The following HEPACAM variants were observed in gnomAD, a reference collection of about 807,000 sequenced individuals.
HEPACAM encodes hepatocyte cell adhesion molecule.
A neutral mutation model predicts 38.3 loss-of-function variants in HEPACAM; 18 were observed. The ratio of observed to expected loss-of-function variants is 0.47; its 90% CI spans 0.33 to 0.70. HEPACAM has a LOEUF of 0.70. Ranked by LOEUF, HEPACAM falls within the 30% of genes least tolerant of loss-of-function variation. The pLI is 0.03. For synonymous variants in HEPACAM, 216 were observed against 243.1 expected (o/e 0.89, Z 1.04); for missense variants, 466 against 563.0 (o/e 0.83, Z 1.74).
chr11:124,928,371 C>G (rs1170331938), intron 1 of HEPACAM, among the ~76,000 whole-genome samples: 1 of 152,164 alleles, frequency 6.6e-6, no homozygotes, highest in Admixed American at 6.5e-5. Context: ...AGAGGTGGCC[C>G]TGAAAAAGTC....
At chr11:124,935,732 C>T (rs1412454872) in intron 1 of HEPACAM, among the ~76,000 whole-genome samples, 190 bp downstream of exon 1, 2 of 152,122 alleles carry the variant, frequency 1.3e-5, no homozygotes, top group Non-Finnish European at 2.9e-5. Flanking sequence ...GTAGGGGCCG[C>T]GCGGGAGGCA....
Position 124,922,633 on chromosome 11 carries a change from G to T in HEPACAM, c.877+112C>A, listed in dbSNP as rs2135397746. The T allele has an allele frequency of 1.9e-6, 3 of 1,612,902 alleles. No homozygotes were observed. The East Asian group carries it at 6.7e-5, about 36-fold the overall frequency. On this transcript the variant is annotated intron_variant, in intron 5 of 6. Transcript: ENST00000298251. The stretch of plus-strand genomic sequence containing the variant: ...CCTCTGCAGTCTTCGTGCAGTTGGT[G>T]GGGGAAGGGTCCCTGCAGAGCTGTT...
Position 124,921,305 on chromosome 11 carries a change from G to A in HEPACAM, c.1084C>T (p.Pro362Ser). 7.7e-7 allele frequency: 1 copy of A among 1,301,846 alleles called. No individual in the cohort carries two copies. The highest frequency in any genetic ancestry group is 9.7e-7 in the Non-Finnish European group (1 of 1,032,138). The allele number at this position is 1,301,846 out of a possible 1,614,324, so 80.6% of individuals were successfully genotyped here. A position where few individuals can be genotyped will look rare whatever the true frequency, so the allele number is the denominator to read the frequency against. Residue 362 changes from proline (P) to serine (S), a missense_variant, in exon 7 of 7, where the codon CCG becomes TCG. By Grantham distance (74) the Pro-to-Ser change is moderately conservative. Transcript: ENST00000298251. The surrounding 1 kb of genome is among the most constrained non-coding windows in gnomAD (Gnocchi z 4.6). ...GCTGGGGAGCGCGCTGGGGAGCGCG[G>A]GTAGCGGCGGGCAGAGCGGATGGGC... ...GLPIRSARRY[P>S]RSPARSPATG...
rs1266231028 is a variant in HEPACAM, at chr11:124,925,423, T to C, written c.86-354A>G. Reference sequence around the variant, plus strand: ...CTCCTATCTGCCAGACACTTTTCTATGTCTTTAGGATATAGCAATGAGCAA... The same window carrying C: ...CTCCTATCTGCCAGACACTTTTCTACGTCTTTAGGATATAGCAATGAGCAA... On this transcript the variant is annotated intron_variant, in intron 1 of 6. Coordinates refer to ENST00000298251, the MANE Select transcript of HEPACAM (RefSeq NM_152722.5). 2.6e-5 allele frequency among the ~76,000 whole-genome samples: 4 copies of C among 152,362 alleles called. No homozygotes were observed. The East Asian group carries it at 7.7e-4, about 29-fold the overall frequency.
chr11:124,927,855 C>T (rs571370856), intron 1 of HEPACAM, among the ~76,000 whole-genome samples: 1 of 152,192 alleles, frequency 6.6e-6, no homozygotes, highest in South Asian at 2.1e-4. Flanking sequence ...TGCACCACTG[C>T]ACTCCAGGCT....
intron 1 of HEPACAM, among the ~76,000 whole-genome samples, chr11:124,932,685 G>A (rs1947292954): frequency 6.6e-6 from 1 of 151,272 alleles, no homozygotes; most frequent in African/African-American, 2.5e-5. Flanking sequence ...AGCTTCCCTT[G>A]TTGTTAAGTA....
rs369354689 is a variant in HEPACAM, at chr11:124,925,005, C to T, written c.150G>A (p.Ser50=). 11 of 1,607,350 alleles carry T rather than the reference C, an allele frequency of 6.8e-6. No homozygotes were observed. The highest frequency in any genetic ancestry group is 1.6e-4 in the Middle Eastern group (1 of 6,064). The stretch of plus-strand genomic sequence containing the variant: ...TGCTGTACTGCACAGAAAGCAGAGC[C>T]GACTTCCCCACGGTGCCATGGATCA... ...VRLIHGTVGK[S]ALLSVQYSST... The change falls in exon 2 of 7, where the codon TCG becomes TCA. Residue 50 remains serine (S), a synonymous_variant. Coordinates refer to ENST00000298251, the MANE Select transcript of HEPACAM (RefSeq NM_152722.5).
rs201178398 is a variant in HEPACAM at position 124,919,860 on chromosome 11, G to A, written c.*1278C>T. ...TTGGAGGCATTAAGGAGGAGGGAAT[G>A]GAATACACAGAGGGCCTCCTTCTCT... On this transcript the variant is annotated 3_prime_UTR_variant, in exon 7 of 7. Transcript: ENST00000298251. 91 of 1,614,068 alleles carry A rather than the reference G, an allele frequency of 5.6e-5. No individual in the cohort carries two copies. The highest frequency in any genetic ancestry group is 1.3e-4 in the East Asian group (6 of 44,878).
chr11:124,932,328 G>A (rs1317026926), intron 1 of HEPACAM, among the ~76,000 whole-genome samples: 1 of 152,158 alleles, frequency 6.6e-6, no homozygotes, highest in Non-Finnish European at 1.5e-5. Context: ...CTAGAGGATG[G>A]AATAGTTCTT....
intron 5 of HEPACAM, 112 bp from the exon 6 acceptor site, chr11:124,922,570 T>G: frequency 6.3e-7 from 1 of 1,599,486 alleles, no homozygotes; most frequent in Non-Finnish European, 8.6e-7. Flanking sequence ...CCAACATATC[T>G]GAATATCCTG....
At chr11:124,932,794 T>TA (rs1175008973) in intron 1 of HEPACAM, among the ~76,000 whole-genome samples, 1 of 152,134 alleles carries the variant, frequency 6.6e-6, no homozygotes, top group African/African-American at 2.4e-5. Flanking sequence ...GTTTCTCCAT[T>TA]AAAAAAATAA....
intron 4 of HEPACAM, 145 bp downstream of exon 4, chr11:124,923,195 G>A (rs566372225): frequency 5.3e-6 from 4 of 761,854 alleles, no homozygotes; most frequent in African/African-American, 5.1e-5. Flanking sequence ...ACAAGATGCT[G>A]GTGCATACAC....
rs763291809 is a variant in HEPACAM, at chr11:124,927,510, G to GTTTTT, written c.86-2446_86-2442dup. Among the ~76,000 whole-genome samples, 111 of 99,200 alleles carry GTTTTT rather than the reference G, an allele frequency of 1.1e-3. 5 individuals carry two copies. Among genetic ancestry groups the GTTTTT allele is most frequent in the African/African-American group, 2.1e-3 (50 of 23,872 alleles). 65.1% of individuals were successfully genotyped at this position (99,200 alleles called of 152,430 possible). ...GGCATGTGCCACTATGCCCAGCTAGGTTTTTTTTTTTTGTTTTTTTTTTTT... is the reference window on the plus strand; with the variant it reads ...GGCATGTGCCACTATGCCCAGCTAGGTTTTTTTTTTTTTTTTTGTTTTTTTTTTTT... On this transcript the variant is annotated intron_variant, in intron 1 of 6. Transcript: ENST00000298251.
Position 124,920,709 on chromosome 11 carries a change from A to AAAAAAT in HEPACAM, c.*428_*429insATTTTT, listed in dbSNP as rs1947119754. The stretch of plus-strand genomic sequence containing the variant: ...AAAAAAAAAAAAAAAAAAAAAAAAA[A>AAAAAAT]GTGCCCCAGCACTCAGGCATTTGTT... On this transcript the variant is annotated 3_prime_UTR_variant, in exon 7 of 7. Transcript: ENST00000298251. 9.0e-6 allele frequency: 9 copies of AAAAAAT among 1,004,222 alleles called. No homozygotes were observed. The highest frequency in any genetic ancestry group is 5.9e-5 in the Admixed American group (1 of 16,820). The allele number at this position is 1,004,222 out of a possible 1,614,324, so 62.2% of individuals were successfully genotyped here.
At position 124,923,445 on chromosome 11, in the gene HEPACAM, G is replaced by A. The variant is rs555035151; in HGVS notation, c.710-12C>T. 2 of 1,554,906 alleles carry A rather than the reference G, an allele frequency of 1.3e-6. No homozygotes were observed. Among genetic ancestry groups the A allele is most frequent in the Admixed American group, 3.3e-5 (2 of 59,934 alleles). ...AAGGGAGCTTCTTCCTAGGGAGAGA[G>A]AGAAGCAGAGAGGCAGGAGGGACTT... On this transcript the variant is annotated splice_polypyrimidine_tract_variant and intron_variant, in intron 3 of 6. Coordinates refer to ENST00000298251, the MANE Select transcript of HEPACAM (RefSeq NM_152722.5).
At position 124,920,839 on chromosome 11, in the gene HEPACAM, G is replaced by C; in HGVS notation, c.*299C>G. The C allele has an allele frequency of 1.7e-6, 2 of 1,210,756 alleles. No homozygotes were observed. Among genetic ancestry groups the C allele is most frequent in the Non-Finnish European group, 2.1e-6 (2 of 973,554 alleles). The allele number at this position is 1,210,756 out of a possible 1,614,324, so 75.0% of individuals were successfully genotyped here. A position where few individuals can be genotyped will look rare whatever the true frequency, so the allele number is the denominator to read the frequency against. On this transcript the variant is annotated 3_prime_UTR_variant, in exon 7 of 7. Coordinates refer to ENST00000298251, the MANE Select transcript of HEPACAM (RefSeq NM_152722.5). ...TGTTAGTTTCCATAAAACCCTTTTG[G>C]GTATTGGGCCAGAAATGTAATAATC...
intron 1 of HEPACAM, among the ~76,000 whole-genome samples, chr11:124,930,051 G>C (rs1426882988): frequency 6.6e-6 from 1 of 152,090 alleles, no homozygotes; most frequent in Non-Finnish European, 1.5e-5. Flanking sequence ...GGTTTAGTTT[G>C]GGTCTGTCAC....
At chr11:124,925,148 G>T in intron 1 of HEPACAM, 79 bp from the exon 2 acceptor site, 1 of 1,156,284 alleles carries the variant, frequency 8.6e-7, no homozygotes, top group South Asian at 1.6e-5. Flanking sequence ...TAAGCCCTCT[G>T]ATCTCCCAAA....
chr11:124,922,062 C>T (rs1262029677), intron 6 of HEPACAM, among the ~76,000 whole-genome samples: 1 of 152,174 alleles, frequency 6.6e-6, no homozygotes, highest in East Asian at 1.9e-4. Flanking sequence ...GCCTGAGCTC[C>T]GCCTCCTGTC....
Sources: allele counts gnomAD v4.1 joint callset (sites outside exome capture counted in the v4.1 genomes callset), GRCh38; gene constraint gnomAD v4.1.1; non-coding constraint Gnocchi (gnomAD v3.1); transcripts MANE v1.5; gene names NCBI Gene and HGNC (gene_info 2026-07-23, HGNC 2026-07-21).